GLCE: variants seen among roughly 807,000 people sequenced by gnomAD.
The protein encoded by GLCE is D-glucuronyl C5-epimerase.
GLCE carries 19 observed loss-of-function variants against 47.9 expected under a neutral mutation model. That is an observed-to-expected ratio of 0.40 (90% CI 0.28 to 0.58). GLCE has a LOEUF of 0.58. Ranked by LOEUF, GLCE falls within the 20% of genes least tolerant of loss-of-function variation. The pLI, the probability that GLCE is intolerant of heterozygous loss-of-function variation, is 0.48. For synonymous variants in GLCE, 245 were observed against 263.4 expected, an observed-to-expected ratio of 0.93 and a Z score of 0.68; for missense variants, 556 against 743.3, an observed-to-expected ratio of 0.75 and a Z score of 2.93.
chr15:69,244,184 T>A (rs1221141734), intron 2 of GLCE, among the ~76,000 whole-genome samples: 1 of 152,218 alleles, frequency 6.6e-6, no homozygotes, highest in African/African-American at 2.4e-5. Flanking sequence ...GTGAGGATCC[T>A]GTTGTCAAGA....
chr15:69,172,491 C>T (rs1233315301), intron 1 of GLCE, among the ~76,000 whole-genome samples: 2 of 152,156 alleles, frequency 1.3e-5, no homozygotes, highest in Non-Finnish European at 2.9e-5. Context: ...TTTTAAATTA[C>T]GTGCTGGGCA....
chr15:69,250,492 T>G (rs960156699), intron 2 of GLCE, among the ~76,000 whole-genome samples: 1 of 152,128 alleles, frequency 6.6e-6, no homozygotes, highest in Non-Finnish European at 1.5e-5. Context: ...AAAGTTAACC[T>G]TCCCCTTCTT....
At chr15:69,182,703 G>A (rs1365866193) in intron 1 of GLCE, among the ~76,000 whole-genome samples, 2 of 152,098 alleles carry the variant, frequency 1.3e-5, no homozygotes, top group Non-Finnish European at 2.9e-5. Context: ...GCTGGTATCA[G>A]AGTGTGATAC....
At chr15:69,175,223 CT>C (rs1465873153) in intron 1 of GLCE, among the ~76,000 whole-genome samples, 1 of 152,074 alleles carries the variant, frequency 6.6e-6, no homozygotes, top group Non-Finnish European at 1.5e-5. Flanking sequence ...AATATACCCA[CT>C]TTAAAAATGA....
intron 2 of GLCE, among the ~76,000 whole-genome samples, chr15:69,225,229 G>A (rs1198234180): frequency 6.6e-6 from 1 of 151,330 alleles, no homozygotes; most frequent in Non-Finnish European, 1.5e-5. Context: ...TATTTCATCT[G>A]CCCTACAGTT....
intron 1 of GLCE, among the ~76,000 whole-genome samples, chr15:69,178,695 C>G (rs2051708142): frequency 6.6e-6 from 1 of 152,104 alleles, no homozygotes; most frequent in Admixed American, 6.5e-5. Context: ...TCTAGAATCA[C>G]TGTTATATAC....
intron 3 of GLCE, among the ~76,000 whole-genome samples, chr15:69,258,679 C>T (rs2140443737): frequency 6.6e-6 from 1 of 152,226 alleles, no homozygotes; most frequent in East Asian, 1.9e-4. Context: ...ATCATCACAT[C>T]AGGGTTAATG....
intron 1 of GLCE, among the ~76,000 whole-genome samples, chr15:69,176,460 A>G (rs910807076): frequency 6.6e-5 from 10 of 151,696 alleles, no homozygotes; most frequent in Admixed American, 1.3e-4. Context: ...CTGACCTCAG[A>G]TGATCTGCCC....
chr15:69,255,931 G>A lies in GLCE; in HGVS notation c.125G>A (p.Arg42His), dbSNP rs777623684. ...SSDKAIQFPR[R>H]SSSGFRVDGF... ...GACAAAGCAATCCAGTTTCCACGGC[G>A]TTCGAGTAGTGGCTTCAGAGTGGAT... The change falls in exon 3 of 5, where the codon CGT (arginine) becomes CAT (histidine). Residue 42 changes from arginine to histidine, a missense_variant. Transcript: ENST00000261858. The A allele has an allele frequency of 1.6e-5, 26 of 1,614,004 alleles. 1 individual carries two copies. The South Asian group carries it at 1.8e-4, about 11-fold the overall frequency.
intron 1 of GLCE, among the ~76,000 whole-genome samples, chr15:69,175,371 T>A (rs2051647816): frequency 6.6e-6 from 1 of 152,192 alleles, no homozygotes; most frequent in Non-Finnish European, 1.5e-5. Context: ...GGCAAATAAT[T>A]TTAAAATGTG....
intron 2 of GLCE, among the ~76,000 whole-genome samples, chr15:69,222,101 C>A (rs986217487): frequency 1.3e-5 from 2 of 152,200 alleles, no homozygotes; most frequent in Non-Finnish European, 2.9e-5. Context: ...TTCAGCTTTA[C>A]GCTCATGGGC....
chr15:69,186,717 C>T (rs1159164331), intron 1 of GLCE, among the ~76,000 whole-genome samples: 1 of 152,134 alleles, frequency 6.6e-6, no homozygotes, highest in Non-Finnish European at 1.5e-5. Context: ...CTCAAGTATT[C>T]CCTAGAATTT....
At chr15:69,215,494 G>A (rs1016298454) in intron 2 of GLCE, among the ~76,000 whole-genome samples, 3 of 151,498 alleles carry the variant, frequency 2.0e-5, no homozygotes, top group Non-Finnish European at 4.4e-5. Context: ...TGGGTTGTTT[G>A]CAGTTTCAGT....
rs1393697205 is a variant in GLCE at position 69,210,362 on chromosome 15, G to A, written c.-58G>A. ...TTTTGATTCAGATATATTTTGAATT[G>A]AAACCAGAGATGTTCTAGAGTTTAG... On this transcript the variant is annotated 5_prime_UTR_variant, in exon 2 of 5. Transcript: ENST00000261858. The A allele has an allele frequency of 6.6e-6, 1 of 152,076 alleles. No homozygotes were observed. The highest frequency in any genetic ancestry group is 2.4e-5 in the African/African-American group (1 of 41,432). 9.4% of individuals were successfully genotyped at this position (152,076 alleles called of 1,614,324 possible).
chr15:69,235,676 A>G (rs992832778), intron 2 of GLCE, among the ~76,000 whole-genome samples: 4 of 152,230 alleles, frequency 2.6e-5, no homozygotes, highest in Non-Finnish European at 4.4e-5. Context: ...AGGTTGTCCC[A>G]AAAATATACC....
intron 1 of GLCE, among the ~76,000 whole-genome samples, chr15:69,178,254 A>G (rs1406922206): frequency 6.6e-6 from 1 of 152,212 alleles, no homozygotes; most frequent in Non-Finnish European, 1.5e-5. Flanking sequence ...AAAAATGGGC[A>G]GAGGACAAAA....
chr15:69,166,859 G>T (rs1305047737), intron 1 of GLCE, among the ~76,000 whole-genome samples: 2 of 132,908 alleles, frequency 1.5e-5, no homozygotes, highest in East Asian at 4.9e-4. Context: ...GACGGAGGTT[G>T]CAGTGAGCCG....
At chr15:69,164,493 C>T (rs2051473827) in intron 1 of GLCE, among the ~76,000 whole-genome samples, 2 of 149,920 alleles carry the variant, frequency 1.3e-5, no homozygotes, top group African/African-American at 4.9e-5. Context: ...TTAATATATA[C>T]ATATATGACA....
At chr15:69,267,590 G>A (rs186131159) in intron 4 of GLCE, among the ~76,000 whole-genome samples, 7 of 152,278 alleles carry the variant, frequency 4.6e-5, no homozygotes, top group Admixed American at 3.3e-4. Context: ...ATGTGTTGTG[G>A]AGCGAGACCA....
Sources: gnomAD v4.1 joint callset for allele counts (sites outside exome capture counted in the v4.1 genomes callset) on GRCh38, gnomAD v4.1.1 for gene constraint, MANE v1.5 for transcripts, NCBI Gene and HGNC (gene_info 2026-07-23, HGNC 2026-07-21) for gene names.